The following FAM184A variants were observed in gnomAD, a reference collection of about 807,000 sequenced individuals.
FAM184A encodes the protein protein FAM184A.
In FAM184A, 99 loss-of-function variants were observed where a neutral mutation model predicts 143.8. The ratio of observed to expected loss-of-function variants is 0.69; its 90% CI spans 0.58 to 0.81. FAM184A has a LOEUF of 0.81. Ranked by LOEUF, FAM184A falls within the 40% of genes least tolerant of loss-of-function variation. FAM184A has a pLI of 0.00. For missense variants in FAM184A, 1,217 were observed against 1,310.5 expected (o/e 0.93, Z 1.10); for synonymous variants, 427 against 446.4 (o/e 0.96, Z 0.55).
chr6:119,089,028 G>T (rs1388645411), intron 1 of FAM184A, among the ~76,000 whole-genome samples: 1 of 151,604 alleles, frequency 6.6e-6, no homozygotes, highest in African/African-American at 2.4e-5. Flanking sequence ...TCTCTCTCAT[G>T]TTACATGTTG....
intron 1 of FAM184A, among the ~76,000 whole-genome samples, chr6:119,058,880 A>G (rs1352322498): frequency 6.6e-6 from 1 of 152,172 alleles, no homozygotes; most frequent in African/African-American, 2.4e-5. Flanking sequence ...GCTCCAAATA[A>G]AGCACACAGC....
intron 1 of FAM184A, among the ~76,000 whole-genome samples, chr6:119,071,092 A>G (rs546086841): frequency 4.6e-4 from 70 of 152,216 alleles, no homozygotes; most frequent in Non-Finnish European, 7.4e-4. Context: ...CACAATTTTA[A>G]AAGTTAAAGT....
At chr6:119,054,141 T>C (rs1391434605) in intron 1 of FAM184A, among the ~76,000 whole-genome samples, 1 of 152,230 alleles carries the variant, frequency 6.6e-6, no homozygotes, top group Non-Finnish European at 1.5e-5. Context: ...TTTATCTTTC[T>C]ACTATCCCAT....
chr6:119,068,899 A>G (rs1787574501), intron 1 of FAM184A: 1 of 203,424 alleles, frequency 4.9e-6, no homozygotes, highest in Non-Finnish European at 1.1e-5. Flanking sequence ...GTTCTACCCA[A>G]AAAGAACGAA....
chr6:119,128,689 T>G (rs1030437491), intron 1 of FAM184A, among the ~76,000 whole-genome samples: 1 of 152,136 alleles, frequency 6.6e-6, no homozygotes, highest in African/African-American at 2.4e-5. Context: ...GGCCCCCAGT[T>G]ACAATAAAAT....
At chr6:119,143,478 T>A (rs1041473901) in intron 1 of FAM184A, among the ~76,000 whole-genome samples, 1 of 152,132 alleles carries the variant, frequency 6.6e-6, no homozygotes, top group Non-Finnish European at 1.5e-5. Context: ...TCAAAAAGAA[T>A]CAAAATCAGG....
rs117864500 is a variant in FAM184A, at chr6:119,114,581, G to A, written c.-202+34497C>T. On this transcript the variant is annotated intron_variant, in intron 1 of 16. Coordinates refer to the FAM184A transcript ENST00000352896. ...TTTTGAGACAGGATCTCACTTTGTC[G>A]CCCAGGCTGCAGTGCAGTGGCATGA... Among the ~76,000 whole-genome samples, 418 of 151,698 alleles carry A rather than the reference G, an allele frequency of 2.8e-3. 1 individual carries two copies. The highest frequency in any genetic ancestry group is 4.3e-3 in the Non-Finnish European group (289 of 67,908).
intron 17 of FAM184A, among the ~76,000 whole-genome samples, chr6:118,961,227 G>A (rs1783313448): frequency 6.6e-6 from 1 of 151,446 alleles, no homozygotes; most frequent in Non-Finnish European, 1.5e-5. Context: ...AAATTGGAAT[G>A]GAAATTTTTA....
At chr6:119,046,826 A>C (rs922957985) in intron 1 of FAM184A, among the ~76,000 whole-genome samples, 2 of 152,306 alleles carry the variant, frequency 1.3e-5, no homozygotes, top group East Asian at 1.9e-4. Flanking sequence ...AAGATCGTGG[A>C]ATCTATTTTT....
At chr6:119,106,463 T>C (rs6569045) in intron 1 of FAM184A, among the ~76,000 whole-genome samples, 96,686 of 152,206 alleles carry the variant, frequency 0.64, 31,402 homozygotes, top group East Asian at 0.96. Flanking sequence ...ATCATTTGTA[T>C]GGCTATTACT....
chr6:118,960,634 C>T, intron 17 of FAM184A: 2 of 353,012 alleles, frequency 5.7e-6, no homozygotes, highest in Non-Finnish European at 1.1e-5. Flanking sequence ...TTCATAATTC[C>T]CTATGCAAAT....
chr6:119,108,476 A>T (rs1554197100), intron 1 of FAM184A, among the ~76,000 whole-genome samples: 1 of 150,230 alleles, frequency 6.7e-6, no homozygotes, highest in Non-Finnish European at 1.5e-5. Context: ...ACTGGTGGCA[A>T]TTTTTTTTTT....
At chr6:119,066,509 C>T (rs1391752092) in intron 1 of FAM184A, among the ~76,000 whole-genome samples, 1 of 152,122 alleles carries the variant, frequency 6.6e-6, no homozygotes, top group Non-Finnish European at 1.5e-5. Context: ...TTTGAGGGTG[C>T]CATTGTGCTG....
At chr6:118,972,791 G>C (rs934443180) in intron 14 of FAM184A, among the ~76,000 whole-genome samples, 1 of 152,104 alleles carries the variant, frequency 6.6e-6, no homozygotes, top group Non-Finnish European at 1.5e-5. Context: ...TGTTTTTTCG[G>C]AGCATGAAGT....
chr6:119,128,220 T>G (rs1889562), intron 1 of FAM184A, among the ~76,000 whole-genome samples: 53,003 of 151,908 alleles, frequency 0.35, 9,469 homozygotes, highest in Middle Eastern at 0.4. Context: ...CAAGAATTGG[T>G]GGGAAGAAAA....
intron 6 of FAM184A, among the ~76,000 whole-genome samples, chr6:119,008,800 A>C (rs1000724161): frequency 6.6e-6 from 1 of 152,326 alleles, no homozygotes; most frequent in South Asian, 2.1e-4. Context: ...GGACACGAGC[A>C]TAAGCCCCAT....
chr6:118,989,285 C>A (rs1784289649), intron 9 of FAM184A, among the ~76,000 whole-genome samples: 3 of 151,602 alleles, frequency 2.0e-5, no homozygotes, highest in Non-Finnish European at 4.4e-5. Flanking sequence ...AAGTGATAAA[C>A]CATTGGAAAA....
intron 1 of FAM184A, among the ~76,000 whole-genome samples, chr6:119,071,787 G>A (rs564373567): frequency 2.9e-4 from 43 of 150,418 alleles, no homozygotes; most frequent in East Asian, 7.9e-4. Context: ...AAATGGCACC[G>A]AGCCCTCACA....
In FAM184A at chr6:119,035,261, T is replaced by A. The variant is rs1490398841; in HGVS notation, c.160-10448A>T. Among the ~76,000 whole-genome samples the A allele has an allele frequency of 2.0e-5, 3 of 152,174 alleles. No homozygotes were observed. The East Asian group carries it at 5.8e-4, about 29-fold the overall frequency. On this transcript the variant is annotated intron_variant, in intron 1 of 17. Transcript: ENST00000338891. ...CAAGAGCATTCCAAAGTTAACCTGA[T>A]AAACTAGTTCAGGCTATGATAGGAA...
Sources: allele counts gnomAD v4.1 joint callset (sites outside exome capture counted in the v4.1 genomes callset), GRCh38; gene constraint gnomAD v4.1.1; transcripts MANE v1.5; gene names NCBI Gene and HGNC (gene_info 2026-07-23, HGNC 2026-07-21).